Variants in HBS1L observed in about 807,000 individuals in gnomAD.
HBS1L encodes HBS1-like protein.
In HBS1L, 55 loss-of-function variants were observed where a neutral mutation model predicts 88.9. The ratio of observed to expected loss-of-function variants is 0.62; its 90% CI spans 0.50 to 0.77. HBS1L has a LOEUF of 0.77. Among genes scored for constraint, HBS1L ranks in the 30% least tolerant of loss-of-function variants. HBS1L has a pLI of 0.00. For missense variants in HBS1L, 741 were observed against 829.3 expected, an observed-to-expected ratio of 0.89 and a Z score of 1.31; for synonymous variants, 267 against 288.5, an observed-to-expected ratio of 0.93 and a Z score of 0.76.
chr6:135,036,190 T>C, intron 4 of HBS1L: 1 of 892,034 alleles, frequency 1.1e-6, no homozygotes, highest in Non-Finnish European at 1.3e-6. Flanking sequence ...TCCCAAGTGC[T>C]GGCATTTTCG....
intron 12 of HBS1L, among the ~76,000 whole-genome samples, chr6:134,984,321 T>TTA (rs1252497480): frequency 6.6e-6 from 1 of 152,166 alleles, no homozygotes; most frequent in Non-Finnish European, 1.5e-5. Context: ...GTTAAATGTA[T>TTA]TATGTGCCAG....
intron 4 of HBS1L, among the ~76,000 whole-genome samples, chr6:135,013,248 T>C (rs1309079667): frequency 6.6e-6 from 1 of 152,234 alleles, no homozygotes; most frequent in Non-Finnish European, 1.5e-5. Flanking sequence ...GTACATGTAA[T>C]GACTGGCACA....
intron 8 of HBS1L, among the ~76,000 whole-genome samples, chr6:134,993,281 A>C (rs1006530106): frequency 2.0e-5 from 3 of 152,176 alleles, no homozygotes; most frequent in African/African-American, 7.2e-5. Flanking sequence ...ATTCTTATTA[A>C]GAATCATGTA....
intron 7 of HBS1L, among the ~76,000 whole-genome samples, chr6:134,996,483 T>C (rs1466868147): frequency 2.6e-5 from 4 of 152,194 alleles, no homozygotes; most frequent in Non-Finnish European, 5.9e-5. Flanking sequence ...AAGTGACAAC[T>C]GAAACTTATC....
At chr6:135,030,786 T>C (rs932427566) in intron 4 of HBS1L, among the ~76,000 whole-genome samples, 1 of 152,036 alleles carries the variant, frequency 6.6e-6, no homozygotes, top group African/African-American at 2.4e-5. Context: ...GGCCAAAAAA[T>C]GTACAGTTGA....
chr6:134,997,660 C>T lies in HBS1L; in HGVS notation c.540-4G>A. 6.2e-7 allele frequency: 1 copy of T among 1,613,452 alleles called. No homozygotes were observed. The highest frequency in any genetic ancestry group is 2.2e-5 in the East Asian group (1 of 44,870). Reference sequence around the variant, plus strand: ...ACCATTTTCTTCAGAAGATACTCTACAGAAGGCAGATAGGAAAAAAGTATT... The same window carrying T: ...ACCATTTTCTTCAGAAGATACTCTATAGAAGGCAGATAGGAAAAAAGTATT... On this transcript the variant is annotated splice_polypyrimidine_tract_variant and splice_region_variant and intron_variant, in intron 5 of 17. Coordinates refer to ENST00000367837, the MANE Select transcript of HBS1L (RefSeq NM_006620.4).
chr6:134,987,067 G>T (rs1039851203), intron 9 of HBS1L, among the ~76,000 whole-genome samples: 1 of 151,978 alleles, frequency 6.6e-6, no homozygotes, highest in African/African-American at 2.4e-5. Context: ...TCCATGGAAT[G>T]AACCATTTTC....
At chr6:135,040,623 T>C (rs1312330158) in intron 3 of HBS1L, among the ~76,000 whole-genome samples, 1 of 152,138 alleles carries the variant, frequency 6.6e-6, no homozygotes, top group Admixed American at 6.5e-5. Context: ...GTGCTGGGAT[T>C]ACAAGCGTGA....
chr6:134,994,445 T>C (rs759756981), intron 7 of HBS1L, among the ~76,000 whole-genome samples: 1 of 152,144 alleles, frequency 6.6e-6, no homozygotes, highest in African/African-American at 2.4e-5. Context: ...GAGACCAACA[T>C]AGTGCCTTTT....
chr6:135,041,921 A>C, intron 3 of HBS1L, 80 bp downstream of exon 3: 1 of 1,273,250 alleles, frequency 7.9e-7, no homozygotes, highest in Non-Finnish European at 1.1e-6. Context: ...CACTGTTATA[A>C]ACACAATAAA....
intron 11 of HBS1L, among the ~76,000 whole-genome samples, 180 bp downstream of exon 11, chr6:134,985,884 CTG>C (rs1774965186): frequency 6.6e-6 from 1 of 152,096 alleles, no homozygotes; most frequent in African/African-American, 2.4e-5. Flanking sequence ...GCCTCATAAA[CTG>C]AGGAAAACTG....
intron 7 of HBS1L, among the ~76,000 whole-genome samples, chr6:134,995,356 C>T (rs978309531): frequency 6.6e-6 from 1 of 151,966 alleles, no homozygotes; most frequent in African/African-American, 2.4e-5. Flanking sequence ...TGAGCTAAAA[C>T]TCCCATCATG....
chr6:135,008,168 G>A (rs1775665360), intron 4 of HBS1L, among the ~76,000 whole-genome samples: 1 of 152,162 alleles, frequency 6.6e-6, no homozygotes, highest in East Asian at 1.9e-4. Context: ...TCACCCAAAA[G>A]ATACATATTC....
intron 4 of HBS1L, chr6:135,036,973 A>C (rs1402728546): frequency 1.9e-6 from 3 of 1,551,312 alleles, no homozygotes; most frequent in African/African-American, 2.7e-5. Context: ...GTTTTTTATA[A>C]GGACACTAAG....
At chr6:135,015,941 G>C (rs1158488320) in intron 4 of HBS1L, among the ~76,000 whole-genome samples, 1 of 146,606 alleles carries the variant, frequency 6.8e-6, no homozygotes, top group Admixed American at 6.9e-5. Flanking sequence ...CTGGAGTGCA[G>C]TGGCATGATC....
chr6:135,041,240 T>C (rs7763836), intron 3 of HBS1L, among the ~76,000 whole-genome samples: 76,312 of 151,830 alleles, frequency 0.5, 19,278 homozygotes, highest in South Asian at 0.56. Flanking sequence ...TTGCTTCAAT[T>C]TAAGATTAAC....
Position 134,986,176 on chromosome 6 carries a change from T to A in HBS1L, c.1313A>T (p.Asp438Val). The change falls in exon 11 of 18, where the codon GAT becomes GTT. Residue 438 changes from aspartate (D) to valine (V), a missense_variant. By Grantham distance (152) the Asp-to-Val change is radical. Around this residue, in one of 3 missense-constraint regions of HBS1L, gnomAD observed 556 missense variants for 598.4 expected, o/e 0.93. Transcript: ENST00000367837. ...ACCACTTGTAGGAATAAAACCTACA[T>A]CACTCTCCTATTAAAAAGATTGACT... ...FLKQAGFKES[D>V]VGFIPTSGLS... The A allele has an allele frequency of 2.7e-6, 4 of 1,466,752 alleles. No homozygotes were observed. The highest frequency in any genetic ancestry group is 3.8e-6 in the Non-Finnish European group (4 of 1,051,692). 90.9% of individuals were successfully genotyped at this position (1,466,752 alleles called of 1,614,324 possible). A position where few individuals can be genotyped will look rare whatever the true frequency, so the allele number is the denominator to read the frequency against.
chr6:135,031,141 TA>T (rs1235056853), intron 4 of HBS1L, among the ~76,000 whole-genome samples: 1 of 152,110 alleles, frequency 6.6e-6, no homozygotes, highest in Non-Finnish European at 1.5e-5. Context: ...GCCTAACAAA[TA>T]AAAGATATTA....
chr6:135,029,233 A>C (rs530421404), intron 4 of HBS1L, among the ~76,000 whole-genome samples: 14 of 152,266 alleles, frequency 9.2e-5, no homozygotes, highest in Non-Finnish European at 1.6e-4. Context: ...AAATCTGAAT[A>C]TATACAAATT....
Sources: allele counts gnomAD v4.1 joint callset (sites outside exome capture counted in the v4.1 genomes callset), GRCh38; gene constraint gnomAD v4.1.1; regional missense constraint gnomAD v4.1.1; transcripts MANE v1.5; gene names NCBI Gene and HGNC (gene_info 2026-07-23, HGNC 2026-07-21).